Variants in PARP1 observed in about 807,000 individuals in gnomAD.
The protein encoded by PARP1 is poly(ADP-ribose) polymerase 1, also known as poly [ADP-ribose] polymerase 1.
In PARP1, 44 loss-of-function variants were observed where a neutral mutation model predicts 118.7. The ratio of observed to expected loss-of-function variants is 0.37; its 90% confidence interval spans 0.29 to 0.48. The LOEUF (loss-of-function observed/expected upper bound fraction) is 0.48, where lower values mean the gene tolerates loss of function less well. PARP1 is among the 20% of genes least tolerant of loss of function. PARP1 has a pLI of 0.99. For missense variants in PARP1, 1,100 were observed against 1,272.4 expected, an observed-to-expected ratio of 0.86 and a Z score of 2.06; for synonymous variants, 492 against 483.2, an observed-to-expected ratio of 1.02 and a Z score of -0.24.
chr1:226,364,405 C>T (rs1433582648), intron 19 of PARP1: 7 of 356,332 alleles, frequency 2.0e-5, no homozygotes, highest in South Asian at 2.3e-5. Context: ...CCTGTCAACA[C>T]CCAAGGAATG....
At chr1:226,379,535 C>T (rs374873109) in intron 11 of PARP1, 38 bp downstream of exon 11, 19 of 1,534,816 alleles carry the variant, frequency 1.2e-5, no homozygotes, top group Admixed American at 6.7e-5. Context: ...GGTTGGGGGG[C>T]GGCACAGCCC....
intron 4 of PARP1, among the ~76,000 whole-genome samples, chr1:226,390,104 T>C (rs1210350302): frequency 1.3e-5 from 2 of 152,110 alleles, no homozygotes; most frequent in Non-Finnish European, 2.9e-5. Flanking sequence ...TCTAAAGGGT[T>C]GTGGTGGGAA....
At chr1:226,363,208 C>G (rs375832437) in intron 20 of PARP1, 48 bp from the exon 21 acceptor site, 296 of 1,254,702 alleles carry the variant, frequency 2.4e-4, no homozygotes, top group Non-Finnish European at 3.4e-4. Flanking sequence ...ACTGGGCTCT[C>G]GAAACCAACA....
chr1:226,364,434 C>A (rs1664210870), intron 19 of PARP1: 6 of 343,874 alleles, frequency 1.7e-5, no homozygotes, highest in South Asian at 9.6e-5. Context: ...TATTTTTATT[C>A]CCTTTTGTAA....
rs149006175 is a variant in PARP1, at chr1:226,361,501, G to A, written c.3004C>T (p.Leu1002=). 65 of 1,613,164 alleles carry A rather than the reference G, an allele frequency of 4.0e-5. No homozygotes were observed. In the African/African-American group the frequency reaches 7.1e-4, roughly 18 times the overall value. Residue 1002 remains leucine, a synonymous_variant, in exon 23 of 23, where the codon CTG becomes TTG. Coordinates refer to ENST00000366794, the MANE Select transcript of PARP1 (RefSeq NM_001618.4). ...YDIAQVNLKY[L]LKLKFNFKTS... is the part of the protein sequence containing the mutation. ...TTAAAATTGAATTTCAGTTTCAGCA[G>A]ATACTTCAGATTTACCTGAGCAATA...
intron 1 of PARP1, among the ~76,000 whole-genome samples, chr1:226,406,230 A>G (rs1432117977): frequency 6.6e-6 from 1 of 152,198 alleles, no homozygotes; most frequent in Non-Finnish European, 1.5e-5. Flanking sequence ...ATTTATGATT[A>G]GAGGAAATAA....
At chr1:226,387,917 T>G (rs1664746665) in intron 5 of PARP1, among the ~76,000 whole-genome samples, 1 of 152,202 alleles carries the variant, frequency 6.6e-6, no homozygotes, top group Admixed American at 6.5e-5. Flanking sequence ...TGATTCTTAT[T>G]TAGCAACTAG....
chr1:226,405,343 G>A (rs1295369057), intron 1 of PARP1, among the ~76,000 whole-genome samples: 3 of 147,750 alleles, frequency 2.0e-5, no homozygotes, highest in Non-Finnish European at 4.5e-5. Flanking sequence ...TGGGTCTGTC[G>A]CCCAGGCTGG....
At chr1:226,392,849 C>G in intron 2 of PARP1, 2 of 1,353,898 alleles carry the variant, frequency 1.5e-6, no homozygotes, top group Middle Eastern at 1.9e-4. Flanking sequence ...CACTGGCTAG[C>G]CATTTGGGAC....
At chr1:226,402,469 C>T in intron 1 of PARP1, 90 bp from the exon 2 acceptor site, 1 of 1,254,638 alleles carries the variant, frequency 8.0e-7, no homozygotes. Context: ...GACCCCAGTC[C>T]CAGCCCCAGC....
chr1:226,393,755 T>C (rs1447297550), intron 2 of PARP1, among the ~76,000 whole-genome samples: 2 of 152,242 alleles, frequency 1.3e-5, no homozygotes, highest in Non-Finnish European at 2.9e-5. Flanking sequence ...CAGAAATGTC[T>C]ATAACTCAAC....
intron 12 of PARP1, among the ~76,000 whole-genome samples, chr1:226,378,093 T>C (rs1159117161): frequency 6.6e-6 from 1 of 152,158 alleles, no homozygotes. Flanking sequence ...AAGCACTACC[T>C]TGATCTACGT....
At position 226,383,174 on chromosome 1, in the gene PARP1, C is replaced by T; in HGVS notation, c.1021G>A (p.Glu341Lys). The T allele has an allele frequency of 6.2e-7, 1 of 1,612,860 alleles. No homozygotes were observed. Among genetic ancestry groups the T allele is most frequent in the Non-Finnish European group, 8.5e-7 (1 of 1,179,290 alleles). ...KEWVTPKEFR[E>K]ISYLKKLKVK... ...TTCAATTTCTTGAGGTAAGAGATTT[C>T]TCGGAATTCCTAAAAAATATTAAGT... is the stretch of plus-strand genomic sequence containing the variant. Residue 341 changes from glutamate to lysine, a missense_variant, in exon 8 of 23, where the codon GAA becomes AAA. Glu to Lys is a moderately conservative substitution (Grantham distance 56, BLOSUM62 1). This residue lies in a region of PARP1 where 948 missense variants were observed against 1,031.8 expected (regional missense o/e 0.92). Transcript: ENST00000366794.
In PARP1 at chr1:226,361,138, AT is replaced by A; in HGVS notation, c.*321del. On this transcript the variant is annotated 3_prime_UTR_variant, in exon 23 of 23. Transcript: ENST00000366794. The stretch of plus-strand genomic sequence containing the variant: ...CCCTGGGGAAACCAGTAAGGCAGAC[AT>A]TCTAACGAAGCTTGGTTTTTTCCAT... 2.5e-6 allele frequency: 1 copy of A among 405,132 alleles called. No individual in the cohort carries two copies. Among genetic ancestry groups the A allele is most frequent in the Middle Eastern group, 6.8e-4 (1 of 1,476 alleles). 25.1% of individuals were successfully genotyped at this position (405,132 alleles called of 1,614,324 possible).
chr1:226,375,859 G>T (rs1468298689), intron 13 of PARP1, among the ~76,000 whole-genome samples: 6 of 152,166 alleles, frequency 3.9e-5, no homozygotes, highest in Non-Finnish European at 8.8e-5. Context: ...GCAGATGGTT[G>T]TAACATGGTA....
rs185483112 is a variant in PARP1 at position 226,396,261 on chromosome 1, G to A, written c.287-3947C>T. On this transcript the variant is annotated intron_variant, in intron 2 of 22. Coordinates refer to ENST00000366794, the MANE Select transcript of PARP1 (RefSeq NM_001618.4). ...CTTGGGAGGCTGAGGCAGAAGAATC[G>A]CCTGAACCCGGGAGACAGAGGATGC... is the stretch of plus-strand genomic sequence containing the variant. Among the ~76,000 whole-genome samples the A allele has an allele frequency of 3.3e-3, 506 of 152,062 alleles. 1 individual carries two copies. The highest frequency in any genetic ancestry group is 5.1e-3 in the Non-Finnish European group (347 of 67,996).
chr1:226,381,159 C>T lies in PARP1; in HGVS notation c.1209G>A (p.Arg403=), dbSNP rs776889972. The change falls in exon 9 of 23, where the codon CGG becomes CGA. Residue 403 remains arginine, a synonymous_variant. Coordinates refer to ENST00000366794, the MANE Select transcript of PARP1 (RefSeq NM_001618.4). ...MKILTLGKLS[R]NKDEVKAMIE... is the part of the protein sequence containing the mutation. ...TCATGGCCTTCACTTCATCCTTGTTCCGGGACAGCTTCCCGAGAGTCAGGA... is the reference window on the plus strand; with the variant it reads ...TCATGGCCTTCACTTCATCCTTGTTTCGGGACAGCTTCCCGAGAGTCAGGA... The T allele has an allele frequency of 1.2e-6, 2 of 1,614,160 alleles. No individual in the cohort carries two copies. Among genetic ancestry groups the T allele is most frequent in the South Asian group, 2.2e-5 (2 of 91,090 alleles).
At position 226,385,561 on chromosome 1, in the gene PARP1, C is replaced by G; in HGVS notation, c.954G>C (p.Trp318Cys). The change falls in exon 7 of 23, where the codon TGG becomes TGC. Residue 318 changes from tryptophan (W) to cysteine (C), a missense_variant. Physicochemically the swap from Trp to Cys is radical, Grantham distance 215. This residue lies in a region of PARP1 where 948 missense variants were observed against 1,031.8 expected (regional missense o/e 0.92). Transcript: ENST00000366794. ...TCTGTGTCTTGACCATACACTTGGT[C>G]CAGGCAGTGACGTCCCCAGTGCAGT... The part of the protein sequence containing the change: ...AYYCTGDVTA[W>C]TKCMVKTQTP... 6.2e-7 allele frequency: 1 copy of G among 1,614,128 alleles called. No individual in the cohort carries two copies. Among genetic ancestry groups the G allele is most frequent in the Non-Finnish European group, 8.5e-7 (1 of 1,179,998 alleles).
chr1:226,363,011 A>T, intron 21 of PARP1, 88 bp downstream of exon 21: 1 of 884,030 alleles, frequency 1.1e-6, no homozygotes, highest in Non-Finnish European at 1.9e-6. Context: ...AGCCAGCCAC[A>T]AGGCAGCCTT....
Sources: allele counts gnomAD v4.1 joint callset (sites outside exome capture counted in the v4.1 genomes callset), GRCh38; gene constraint gnomAD v4.1.1; regional missense constraint gnomAD v4.1.1; transcripts MANE v1.5; gene names NCBI Gene and HGNC (gene_info 2026-07-23, HGNC 2026-07-21).